The following PUM2 variants were observed in gnomAD, a reference collection of about 807,000 sequenced individuals.
The protein encoded by PUM2 is pumilio RNA binding family member 2.
In PUM2, 57 loss-of-function variants were observed where a neutral mutation model predicts 124.5. That is an observed-to-expected ratio of 0.46 (90% confidence interval 0.37 to 0.57). PUM2 has a LOEUF of 0.57. Ranked by LOEUF, PUM2 falls within the 20% of genes least tolerant of loss-of-function variation. The pLI, the probability that PUM2 is intolerant of heterozygous loss-of-function variation, is 0.00. For missense variants in PUM2, 1,065 were observed against 1,290.6 expected (o/e 0.83, Z 2.68); for synonymous variants, 460 against 446.1 (o/e 1.03, Z -0.39).
At chr2:20,255,178 A>C (rs773419886) in intron 18 of PUM2, 38 bp downstream of exon 18, 2 of 1,556,166 alleles carry the variant, frequency 1.3e-6, no homozygotes, top group East Asian at 4.5e-5. Context: ...CAATTTCCAA[A>C]AATATATAAA....
In PUM2 at chr2:20,309,133, T is replaced by C. The variant is rs79280339; in HGVS notation, c.519-549A>G. Among the ~76,000 whole-genome samples, 966 of 152,068 alleles carry C rather than the reference T, an allele frequency of 6.4e-3. 12 individuals carry two copies. The highest frequency in any genetic ancestry group is 0.022 in the African/African-American group (902 of 41,456). On this transcript the variant is annotated intron_variant, in intron 5 of 20. Coordinates refer to ENST00000361078, the MANE Select transcript of PUM2 (RefSeq NM_015317.5). ...AATGTGGGATGCAACAGGAAAAGAG[T>C]ACTATACATGATAAGTCAAAAGGCT...
chr2:20,341,625 T>C (rs1687244045), intron 1 of PUM2, among the ~76,000 whole-genome samples: 1 of 152,204 alleles, frequency 6.6e-6, no homozygotes, highest in African/African-American at 2.4e-5. Context: ...AAAATAAATT[T>C]CTTAATGTCC....
At chr2:20,319,910 T>C (rs1414477713) in intron 2 of PUM2, among the ~76,000 whole-genome samples, 1 of 151,918 alleles carries the variant, frequency 6.6e-6, no homozygotes, top group Non-Finnish European at 1.5e-5. Context: ...GAATAACAAA[T>C]AGAAAGAACA....
chr2:20,305,858 T>C (rs1678143325), intron 7 of PUM2, among the ~76,000 whole-genome samples: 1 of 151,944 alleles, frequency 6.6e-6, no homozygotes, highest in Non-Finnish European at 1.5e-5. Flanking sequence ...TGAGAAAAAT[T>C]TTAAAGCACT....
At chr2:20,320,910 A>C (rs1682166973) in intron 2 of PUM2, among the ~76,000 whole-genome samples, 1 of 152,228 alleles carries the variant, frequency 6.6e-6, no homozygotes, top group Admixed American at 6.5e-5. Flanking sequence ...TAATTCCTTA[A>C]AGAATAAAGC....
intron 2 of PUM2, among the ~76,000 whole-genome samples, chr2:20,326,878 G>C (rs549616806): frequency 6.6e-6 from 1 of 152,220 alleles, no homozygotes; most frequent in East Asian, 1.9e-4. Context: ...CATCCCAGTC[G>C]AGTCTTGTAG....
chr2:20,346,996 T>A (rs1688370762), intron 1 of PUM2, among the ~76,000 whole-genome samples: 1 of 152,192 alleles, frequency 6.6e-6, no homozygotes, highest in South Asian at 2.1e-4. Flanking sequence ...TCATGCTACT[T>A]CTTTTTTTGC....
At position 20,311,753 on chromosome 2, in the gene PUM2, A is replaced by AG. The variant is rs540074706; in HGVS notation, c.349-91_349-90insC. On this transcript the variant is annotated intron_variant, in intron 4 of 20. Coordinates refer to ENST00000361078, the MANE Select transcript of PUM2 (RefSeq NM_015317.5). ...GTGACCTAACACTACACTACAGTGC[A>AG]TGTAAACAATAAAAGCATTGAATCT... 4.1e-4 allele frequency: 512 copies of AG among 1,244,428 alleles called. 6 individuals carry two copies. In the South Asian group the frequency reaches 7.2e-3, roughly 17 times the overall value. The allele number at this position is 1,244,428 out of a possible 1,614,324, so 77.1% of individuals were successfully genotyped here.
chr2:20,306,042 G>A (rs1261546792), intron 7 of PUM2, among the ~76,000 whole-genome samples: 1 of 151,998 alleles, frequency 6.6e-6, no homozygotes, highest in Non-Finnish European at 1.5e-5. Context: ...GTGAAACCCT[G>A]TCTCTACAAA....
At chr2:20,299,710 T>C (rs1322468256) in intron 7 of PUM2, among the ~76,000 whole-genome samples, 7 of 152,154 alleles carry the variant, frequency 4.6e-5, no homozygotes, top group African/African-American at 1.7e-4. Context: ...GTTTTCCCTA[T>C]ACACAATCAT....
intron 10 of PUM2, among the ~76,000 whole-genome samples, chr2:20,288,561 G>C (rs766223386): frequency 5.3e-5 from 8 of 152,164 alleles, no homozygotes; most frequent in Non-Finnish European, 1.0e-4. Context: ...GAAGGATTGG[G>C]AGAGGGAAAG....
intron 10 of PUM2, among the ~76,000 whole-genome samples, chr2:20,286,127 G>A (rs899444096): frequency 5.3e-5 from 8 of 152,168 alleles, no homozygotes; most frequent in African/African-American, 1.9e-4. Context: ...AACCATTAGA[G>A]TTTTGAGGAG....
chr2:20,308,269 G>T (rs770836341), intron 6 of PUM2, 45 bp downstream of exon 6: 1 of 1,589,080 alleles, frequency 6.3e-7, no homozygotes, highest in Admixed American at 1.7e-5. Flanking sequence ...GGCTAAACCA[G>T]TATACAGTTA....
At chr2:20,313,103 T>A (rs962423706) in intron 3 of PUM2, among the ~76,000 whole-genome samples, 14 of 152,130 alleles carry the variant, frequency 9.2e-5, no homozygotes, top group Non-Finnish European at 1.8e-4. Context: ...CCTAAAACCA[T>A]AAAAACCCTA....
At chr2:20,351,070 T>C (rs1459861253), upstream of PUM2, among the ~76,000 whole-genome samples, 1 of 152,152 alleles carries the variant, frequency 6.6e-6, no homozygotes, top group East Asian at 1.9e-4. Flanking sequence ...GCTTCCCTCC[T>C]GGGCTCCGCC....
At chr2:20,285,610 C>T (rs1445915895) in intron 10 of PUM2, among the ~76,000 whole-genome samples, 1 of 152,128 alleles carries the variant, frequency 6.6e-6, no homozygotes, top group Non-Finnish European at 1.5e-5. Context: ...CTCTCATTCT[C>T]TACTTAGCTT....
chr2:20,288,524 G>C (rs986072660), intron 10 of PUM2, among the ~76,000 whole-genome samples: 2 of 152,148 alleles, frequency 1.3e-5, no homozygotes, highest in Non-Finnish European at 2.9e-5. Context: ...AGGATGAACA[G>C]GCAGAATAGC....
chr2:20,276,090 G>C (rs576924578), intron 13 of PUM2, among the ~76,000 whole-genome samples: 151 of 151,966 alleles, frequency 9.9e-4, no homozygotes, highest in African/African-American at 3.4e-3. Context: ...TAATATATTA[G>C]AATAAGCAAC....
chr2:20,343,782 A>ATGAT (rs1687676984), intron 1 of PUM2, among the ~76,000 whole-genome samples: 1 of 152,136 alleles, frequency 6.6e-6, no homozygotes, highest in African/African-American at 2.4e-5. Context: ...CAAAATAACT[A>ATGAT]GTTGGGTATG....
Sources: gnomAD v4.1 joint callset for allele counts (sites outside exome capture counted in the v4.1 genomes callset) on GRCh38, gnomAD v4.1.1 for gene constraint, MANE v1.5 for transcripts, NCBI Gene and HGNC (gene_info 2026-07-23, HGNC 2026-07-21) for gene names.